TMC2: variants seen among roughly 807,000 people sequenced by gnomAD.
The protein encoded by TMC2 is transmembrane channel like 2.
In TMC2, 102 loss-of-function variants were observed where a neutral mutation model predicts 105.9. The ratio of observed to expected loss-of-function variants is 0.96; its 90% CI spans 0.82 to 1.14. TMC2 has a LOEUF of 1.14. Among genes scored for constraint, TMC2 ranks in the 50% most tolerant of loss-of-function variants. TMC2 has a pLI of 0.00. For missense variants in TMC2, 1,093 were observed against 1,134.3 expected (o/e 0.96, Z 0.52); for synonymous variants, 402 against 422.8 (o/e 0.95, Z 0.60).
chr20:2,579,392 ATTTATT>A (rs1324786552), intron 6 of TMC2, among the ~76,000 whole-genome samples, 165 bp downstream of exon 6: 1 of 135,648 alleles, frequency 7.4e-6, no homozygotes, highest in Non-Finnish European at 1.5e-5. Context: ...TTTTTTATTT[ATTTATT>A]TATTTATTTA....
At chr20:2,551,430 C>T (rs2085956480) in intron 2 of TMC2, among the ~76,000 whole-genome samples, 1 of 150,120 alleles carries the variant, frequency 6.7e-6, no homozygotes, top group African/African-American at 2.5e-5. Context: ...TTCACAGTGT[C>T]TTTTGCAGAG....
intron 3 of TMC2, among the ~76,000 whole-genome samples, chr20:2,560,794 G>A (rs183062076): frequency 4.2e-4 from 63 of 149,420 alleles, no homozygotes; most frequent in African/African-American, 1.3e-3. Flanking sequence ...CCGAGATTGC[G>A]CCACTGCACT....
intron 2 of TMC2, among the ~76,000 whole-genome samples, chr20:2,541,763 G>A (rs1246645214): frequency 1.3e-5 from 2 of 152,082 alleles, no homozygotes; most frequent in Non-Finnish European, 1.5e-5. Context: ...ATTGCGACCA[G>A]TAATAAATAT....
chr20:2,574,564 T>C lies in TMC2; in HGVS notation c.645+2295T>C, dbSNP rs991511734. The stretch of plus-strand genomic sequence containing the variant: ...AATTTTTTTCAAGTATTCAGTTTAT[T>C]GATGTACTCAAGTTTTAACTTTTTC... On this transcript the variant is annotated intron_variant, in intron 5 of 19. Transcript: ENST00000358864. 8.5e-5 allele frequency among the ~76,000 whole-genome samples: 13 copies of C among 152,352 alleles called. No homozygotes were observed. In the East Asian group the frequency reaches 2.5e-3, roughly 29 times the overall value.
intron 2 of TMC2, among the ~76,000 whole-genome samples, chr20:2,542,144 C>G (rs1030100934): frequency 2.6e-5 from 4 of 151,864 alleles, no homozygotes; most frequent in African/African-American, 9.7e-5. Flanking sequence ...GACAGATCAA[C>G]AAGAGGGGAA....
chr20:2,594,799 G>A, intron 8 of TMC2, 26 bp from the exon 9 acceptor site: 1 of 1,611,406 alleles, frequency 6.2e-7, no homozygotes, highest in Non-Finnish European at 8.5e-7. Flanking sequence ...TACCAACCCA[G>A]AGCATTTGGC....
Position 2,616,187 on chromosome 20 carries a change from C to A in TMC2, c.1923C>A (p.Phe641Leu). The change falls in exon 15 of 20, where the codon TTC becomes TTA. Residue 641 changes from phenylalanine to leucine, a missense_variant. Phe to Leu is a conservative substitution (Grantham distance 22, BLOSUM62 0). Transcript: ENST00000358864. The surrounding 1 kb of genome is among the most constrained non-coding windows in gnomAD (Gnocchi z 4.8). ...DISGNVLGLI[F>L]NQGMIWMGSF... Reference sequence around the variant, plus strand: ...GTGGAAATGTGCTGGGTTTGATCTTCAACCAAGGAATGATCTGGTGAGTTA... The same window carrying A: ...GTGGAAATGTGCTGGGTTTGATCTTAAACCAAGGAATGATCTGGTGAGTTA... 6.2e-7 allele frequency: 1 copy of A among 1,613,304 alleles called. No homozygotes were observed. Among genetic ancestry groups the A allele is most frequent in the African/African-American group, 1.3e-5 (1 of 75,008 alleles).
At chr20:2,549,755 C>T (rs1327948389) in intron 2 of TMC2, among the ~76,000 whole-genome samples, 2 of 152,130 alleles carry the variant, frequency 1.3e-5, no homozygotes, top group Admixed American at 6.5e-5. Flanking sequence ...CTGAAGTTTG[C>T]AACTCCTTTA....
chr20:2,560,033 G>A (rs1384142734), intron 3 of TMC2, among the ~76,000 whole-genome samples: 1 of 152,158 alleles, frequency 6.6e-6, no homozygotes, highest in Admixed American at 6.5e-5. Context: ...GTAATCCTAA[G>A]ACAAGGCAGA....
At chr20:2,545,735 A>AGAT (rs924173620) in intron 2 of TMC2, among the ~76,000 whole-genome samples, 1 of 151,750 alleles carries the variant, frequency 6.6e-6, no homozygotes. Flanking sequence ...AGGAAGAAGA[A>AGAT]GATGAAGATG....
chr20:2,558,872 G>A lies in TMC2; in HGVS notation c.401+98G>A, dbSNP rs956788471. 1 of 1,280,088 alleles carries A rather than the reference G, an allele frequency of 7.8e-7. No homozygotes were observed. Among genetic ancestry groups the A allele is most frequent in the Non-Finnish European group, 1.1e-6 (1 of 947,732 alleles). 79.3% of individuals were successfully genotyped at this position (1,280,088 alleles called of 1,614,324 possible). ...GTGAGGGACTGATGCCCCCCTCCCC[G>A]GGGAGAGGCAGCCCGTGCCCTCGCT... On this transcript the variant is annotated intron_variant, in intron 3 of 19. Transcript: ENST00000358864. This position sits in a 1 kb window ranked among gnomAD's most constrained non-coding sequence, Gnocchi z 4.6.
intron 17 of TMC2, among the ~76,000 whole-genome samples, chr20:2,630,113 A>C (rs879377129): frequency 2.0e-4 from 30 of 152,224 alleles, no homozygotes; most frequent in East Asian, 9.6e-4. Flanking sequence ...AAGTCCAAAA[A>C]ATATTTAGAA....
chr20:2,582,422 T>C (rs2086199123), intron 7 of TMC2, among the ~76,000 whole-genome samples: 1 of 152,098 alleles, frequency 6.6e-6, no homozygotes, highest in Non-Finnish European at 1.5e-5. Flanking sequence ...AACCAGAGGG[T>C]CCAGGGATAA....
chr20:2,555,404 T>C (rs538299488), intron 2 of TMC2, among the ~76,000 whole-genome samples: 2 of 152,280 alleles, frequency 1.3e-5, no homozygotes, highest in Admixed American at 6.5e-5. Context: ...TCCCCGATAA[T>C]TTTACTTGCT....
chr20:2,597,789 C>T (rs1015686131), intron 10 of TMC2, among the ~76,000 whole-genome samples: 11 of 152,020 alleles, frequency 7.2e-5, no homozygotes, highest in Admixed American at 1.3e-4. Context: ...TGAGCCACCA[C>T]GCCCAGCCTG....
At chr20:2,623,120 A>T (rs998413389) in intron 16 of TMC2, among the ~76,000 whole-genome samples, 2 of 152,120 alleles carry the variant, frequency 1.3e-5, no homozygotes, top group Non-Finnish European at 2.9e-5. Context: ...AGCACTTGAA[A>T]TGTGTAACTA....
At chr20:2,581,503 G>C (rs2422796) in intron 7 of TMC2, among the ~76,000 whole-genome samples, 21,788 of 152,218 alleles carry the variant, frequency 0.14, 2,130 homozygotes, top group African/African-American at 0.28. Context: ...ACCAAGTCTG[G>C]TTCTCCCCAG....
chr20:2,553,284 A>T (rs2085967489), intron 2 of TMC2, among the ~76,000 whole-genome samples: 1 of 147,870 alleles, frequency 6.8e-6, no homozygotes, highest in Admixed American at 6.7e-5. Context: ...TTTGCTGAGA[A>T]CTTTTTTAAT....
intron 16 of TMC2, among the ~76,000 whole-genome samples, chr20:2,622,761 G>A (rs2086534696): frequency 6.6e-6 from 1 of 152,126 alleles, no homozygotes; most frequent in Non-Finnish European, 1.5e-5. Context: ...GCCATTGTCG[G>A]TGAACTCCTC....
Sources: allele counts gnomAD v4.1 joint callset (sites outside exome capture counted in the v4.1 genomes callset), GRCh38; gene constraint gnomAD v4.1.1; non-coding constraint Gnocchi (gnomAD v3.1); transcripts MANE v1.5; gene names NCBI Gene and HGNC (gene_info 2026-07-23, HGNC 2026-07-21).